Variants in CLN8 observed in about 807,000 individuals in gnomAD.
CLN8 encodes the protein protein CLN8.
In CLN8, 14 loss-of-function variants were observed where a neutral mutation model predicts 15.7. That is an observed-to-expected ratio of 0.89 (90% CI 0.59 to 1.39). CLN8 has a LOEUF of 1.39. Among genes scored for constraint, CLN8 ranks in the 40% most tolerant of loss-of-function variants. The probability of loss-of-function intolerance (pLI) is 0.00; values close to 1 mark genes in which losing one functional copy is unlikely to be tolerated. For synonymous variants in CLN8, 188 were observed against 151.0 expected (o/e 1.25, Z -1.80); for missense variants, 415 against 364.0 (o/e 1.14, Z -1.14).
At chr8:1,773,523 G>A (rs527808267) in intron 2 of CLN8, 1 of 152,482 alleles carries the variant, frequency 6.6e-6, no homozygotes, top group South Asian at 2.1e-4. Context: ...GACTGAATAT[G>A]AAGCTGCTGG....
chr8:1,763,385 G>GCCC (rs1396463240), upstream of CLN8: 1 of 42,610 alleles, frequency 2.3e-5, no homozygotes, highest in Admixed American at 2.6e-4. Context: ...GCCCCACAGC[G>GCCC]CCCGCCGCGC....
chr8:1,755,697 G>A (rs1162280979), upstream of CLN8: 6 of 152,252 alleles, frequency 3.9e-5, no homozygotes, highest in East Asian at 1.9e-4. Context: ...CCAATCCATC[G>A]GGTGGCAGCC....
rs927632043 is a variant in CLN8 at position 1,771,742 on chromosome 8, T to C, written c.543+145T>C. On this transcript the variant is annotated intron_variant, in intron 2 of 2. Transcript: ENST00000331222. ...ACAAACTCATTTTAGTTGAATGCAA[T>C]ATTCTGGTTTTGTTTATTTATTTAT... 7.9e-6 allele frequency: 6 copies of C among 758,904 alleles called. No homozygotes were observed. The African/African-American group carries it at 8.7e-5, about 11-fold the overall frequency. The allele number at this position is 758,904 out of a possible 1,614,324, so 47.0% of individuals were successfully genotyped here. A position where few individuals can be genotyped will look rare whatever the true frequency, so the allele number is the denominator to read the frequency against.
chr8:1,767,597 G>T (rs1035825997), intron 1 of CLN8, among the ~76,000 whole-genome samples: 3 of 133,178 alleles, frequency 2.3e-5, no homozygotes, highest in South Asian at 2.4e-4. Flanking sequence ...TTTGAGACGG[G>T]GTCTCATCTT....
upstream of CLN8, chr8:1,763,062 G>C (rs1444328524): frequency 1.3e-5 from 2 of 152,176 alleles, no homozygotes; most frequent in Non-Finnish European, 2.9e-5. Context: ...AAAAACTCAG[G>C]TGTGGGCGCA....
chr8:1,764,550 C>T, intron 1 of CLN8: 1 of 152,784 alleles, frequency 6.5e-6, no homozygotes, highest in Non-Finnish European at 1.5e-5. Context: ...ACCGAGTTAG[C>T]TGGGGCGGAA....
At chr8:1,778,203 C>T (rs936880944) in intron 2 of CLN8, among the ~76,000 whole-genome samples, 7 of 152,164 alleles carry the variant, frequency 4.6e-5, no homozygotes, top group African/African-American at 1.4e-4. Flanking sequence ...TCAGGGACTG[C>T]CCCAGGCAAA....
At chr8:1,764,721 C>G (rs1196090176) in intron 1 of CLN8, 1 of 152,822 alleles carries the variant, frequency 6.5e-6, no homozygotes, top group African/African-American at 2.4e-5. Context: ...CGCCTGGGCT[C>G]TGGGCCCTAT....
chr8:1,773,110 A>T, intron 2 of CLN8: 1 of 393,908 alleles, frequency 2.5e-6, no homozygotes, highest in East Asian at 3.6e-5. Flanking sequence ...GAACTCAAGG[A>T]GGAACTTGTG....
chr8:1,779,879 G>A, intron 2 of CLN8: 1 of 917,360 alleles, frequency 1.1e-6, no homozygotes, highest in Non-Finnish European at 1.3e-6. Context: ...CCTGTGTCTG[G>A]TTTTGCCAAA....
chr8:1,765,654 G>C (rs145350081), intron 1 of CLN8, among the ~76,000 whole-genome samples: 2 of 152,306 alleles, frequency 1.3e-5, no homozygotes, highest in African/African-American at 4.8e-5. Flanking sequence ...ACAAAACTAG[G>C]ATTTTCTTAG....
chr8:1,773,715 G>A (rs1467104290), intron 2 of CLN8: 2 of 152,386 alleles, frequency 1.3e-5, no homozygotes, highest in African/African-American at 2.4e-5. Flanking sequence ...TCAGTGTGGA[G>A]TGGAGAGGTG....
chr8:1,770,392 T>G (rs1199242946), intron 1 of CLN8, among the ~76,000 whole-genome samples: 2 of 152,164 alleles, frequency 1.3e-5, no homozygotes, highest in Non-Finnish European at 2.9e-5. Context: ...GATAATCACA[T>G]TCTGCAGAGT....
At chr8:1,776,827 C>G (rs542755669) in intron 2 of CLN8, among the ~76,000 whole-genome samples, 2 of 152,286 alleles carry the variant, frequency 1.3e-5, no homozygotes, top group South Asian at 4.1e-4. Flanking sequence ...GTTCATTTGG[C>G]CTCAGACTGA....
intron 2 of CLN8, among the ~76,000 whole-genome samples, chr8:1,777,078 A>G (rs192373162): frequency 5.9e-5 from 9 of 152,012 alleles, no homozygotes; most frequent in African/African-American, 1.9e-4. Flanking sequence ...GTCATAGAGT[A>G]CCTTTCTACA....
chr8:1,779,985 G>A (rs556408178), intron 2 of CLN8: 4 of 985,456 alleles, frequency 4.1e-6, no homozygotes, highest in Non-Finnish European at 4.8e-6. Flanking sequence ...TAGCTTTAGG[G>A]AGCAGAAGCC....
At chr8:1,755,635 G>A (rs1424902198), upstream of CLN8, 1 of 152,214 alleles carries the variant, frequency 6.6e-6, no homozygotes, top group Admixed American at 6.5e-5. Flanking sequence ...CTGGGGGTTG[G>A]ACGCACCACA....
upstream of CLN8, among the ~76,000 whole-genome samples, chr8:1,755,056 G>A (rs1800636719): frequency 1.3e-5 from 2 of 152,142 alleles, no homozygotes; most frequent in Admixed American, 6.5e-5. Flanking sequence ...AGATCTGCTG[G>A]CTTCTAAGGG....
intron 2 of CLN8, among the ~76,000 whole-genome samples, chr8:1,777,150 C>T (rs1273267869): frequency 6.6e-6 from 1 of 152,200 alleles, no homozygotes; most frequent in African/African-American, 2.4e-5. Context: ...AGGCTGCATA[C>T]CTGTACAGCA....
Sources: gnomAD v4.1 joint callset for allele counts (sites outside exome capture counted in the v4.1 genomes callset) on GRCh38, gnomAD v4.1.1 for gene constraint, MANE v1.5 for transcripts, NCBI Gene and HGNC (gene_info 2026-07-23, HGNC 2026-07-21) for gene names.